KCNAB1: variants seen among roughly 807,000 people sequenced by gnomAD.
KCNAB1 encodes voltage-gated potassium channel subunit beta-1.
In KCNAB1, 35 loss-of-function variants were observed where a neutral mutation model predicts 64.6. That is an observed-to-expected ratio of 0.54 (90% CI 0.41 to 0.72). KCNAB1 has a LOEUF of 0.72. Ranked by LOEUF, KCNAB1 falls within the 30% of genes least tolerant of loss-of-function variation. The probability of loss-of-function intolerance (pLI) is 0.00; values close to 1 mark genes in which losing one functional copy is unlikely to be tolerated. For missense variants in KCNAB1, 401 were observed against 512.9 expected (o/e 0.78, Z 2.11); for synonymous variants, 177 against 183.8 (o/e 0.96, Z 0.30).
In KCNAB1 at chr3:156,302,474, A is replaced by G. The variant is rs923867828; in HGVS notation, c.276-119142A>G. Among the ~76,000 whole-genome samples the G allele has an allele frequency of 2.0e-5, 3 of 152,288 alleles. 1 individual carries two copies. The highest frequency in any genetic ancestry group is 3.9e-4 in the East Asian group (2 of 5,182). ...GCATCATATCCCCAACACTTTTTCT[A>G]GAATCCAAGACTTGTCCAGGTGAAG... On this transcript the variant is annotated intron_variant, in intron 1 of 13. Transcript: ENST00000490337.
chr3:156,423,217 G>A (rs146590706), intron 2 of KCNAB1, among the ~76,000 whole-genome samples: 22 of 152,324 alleles, frequency 1.4e-4, no homozygotes, highest in African/African-American at 5.1e-4. Context: ...GGTTGCTTTT[G>A]CACGTGGAAG....
chr3:156,333,319 A>AACAC (rs10641743), intron 1 of KCNAB1, among the ~76,000 whole-genome samples: 7,410 of 143,272 alleles, frequency 0.052, 534 homozygotes, highest in African/African-American at 0.16. Context: ...CGCACATAGA[A>AACAC]ACACACACAC....
At chr3:156,324,716 C>T (rs1352746353) in intron 1 of KCNAB1, among the ~76,000 whole-genome samples, 1 of 152,030 alleles carries the variant, frequency 6.6e-6, no homozygotes, top group African/African-American at 2.4e-5. Flanking sequence ...TTTTCAATGG[C>T]TCTTTATCAC....
chr3:156,295,927 C>T (rs1720744993), intron 1 of KCNAB1, among the ~76,000 whole-genome samples: 1 of 152,160 alleles, frequency 6.6e-6, no homozygotes. Flanking sequence ...TATAGTCAGT[C>T]TACTCTGCTA....
intron 1 of KCNAB1, among the ~76,000 whole-genome samples, chr3:156,139,584 G>GTTTTTTTTTTTTTTTTTTTTTTTTT: frequency 1.8e-5 from 1 of 55,256 alleles, no homozygotes; most frequent in South Asian, 8.3e-4. Context: ...ATTGTACTGT[G>GTTTTTTTTTTTTTTTTTTTTTTTTT]TTTTTTTTTT....
intron 1 of KCNAB1, among the ~76,000 whole-genome samples, chr3:156,153,598 A>G (rs1429760013): frequency 1.3e-5 from 2 of 152,186 alleles, no homozygotes; most frequent in Non-Finnish European, 2.9e-5. Flanking sequence ...TGCCCTCCCC[A>G]CTGTGGTTGG....
chr3:156,210,498 C>T (rs2108393409), intron 1 of KCNAB1, among the ~76,000 whole-genome samples: 1 of 152,306 alleles, frequency 6.6e-6, no homozygotes, highest in Admixed American at 6.5e-5. Context: ...TAGAGAGAGC[C>T]AGTCATCATG....
intron 13 of KCNAB1, among the ~76,000 whole-genome samples, chr3:156,531,776 G>A (rs552474197): frequency 9.2e-5 from 14 of 152,324 alleles, no homozygotes; most frequent in Non-Finnish European, 1.9e-4. Context: ...CGCCATAAAA[G>A]CCGGCCTGAT....
At position 156,120,849 on chromosome 3, in the gene KCNAB1, G is replaced by C. The variant is rs754281331; in HGVS notation, c.238G>C (p.Glu80Gln). ...CCTAAAGCTCTGCGACCTGTCCAGC[G>C]AGCACACCACCGTCTGCACCACAGG... ...WYLKLCDLSSEHTTVCTTGMP... is the reference protein window; with the variant it reads ...WYLKLCDLSSQHTTVCTTGMP... The change falls in exon 1 of 14, where the codon GAG (glutamate) becomes CAG (glutamine). Residue 80 changes from glutamate (E) to glutamine (Q), a missense_variant. Glu to Gln is a conservative substitution (Grantham distance 29, BLOSUM62 2). Coordinates refer to ENST00000490337, the MANE Select transcript of KCNAB1 (RefSeq NM_172160.3). The C allele has an allele frequency of 9.9e-6, 16 of 1,614,176 alleles. No homozygotes were observed. The South Asian group carries it at 1.4e-4, about 14-fold the overall frequency.
At chr3:156,131,887 G>A (rs998105255) in intron 1 of KCNAB1, among the ~76,000 whole-genome samples, 4 of 152,240 alleles carry the variant, frequency 2.6e-5, no homozygotes, top group African/African-American at 9.6e-5. Context: ...CATTGACATG[G>A]ATCAAGAGAG....
At chr3:156,145,302 C>T (rs1379056344) in intron 1 of KCNAB1, among the ~76,000 whole-genome samples, 1 of 152,214 alleles carries the variant, frequency 6.6e-6, no homozygotes, top group Non-Finnish European at 1.5e-5. Context: ...AGCTTGTGCT[C>T]TGACACATCT....
chr3:156,517,286 G>A (rs995189928), intron 11 of KCNAB1, among the ~76,000 whole-genome samples: 3 of 152,206 alleles, frequency 2.0e-5, no homozygotes, highest in African/African-American at 7.2e-5. Context: ...TCCCTAATCA[G>A]AACATTTTCA....
chr3:156,363,423 T>C (rs1725738117), intron 1 of KCNAB1, among the ~76,000 whole-genome samples: 1 of 152,208 alleles, frequency 6.6e-6, no homozygotes, highest in Non-Finnish European at 1.5e-5. Flanking sequence ...TGATCAAGCA[T>C]ATTGCTTAAT....
chr3:156,365,512 C>T (rs1725893458), intron 1 of KCNAB1, among the ~76,000 whole-genome samples: 2 of 152,090 alleles, frequency 1.3e-5, no homozygotes, highest in Admixed American at 6.6e-5. Flanking sequence ...TGTTGCACCC[C>T]CTTTCCAGTG....
chr3:156,432,624 T>C (rs959474390), intron 2 of KCNAB1, among the ~76,000 whole-genome samples: 3 of 152,232 alleles, frequency 2.0e-5, no homozygotes, highest in African/African-American at 7.2e-5. Context: ...TTTCTTTAGC[T>C]GAAAAGAAGG....
rs371617007 is a variant in KCNAB1, at chr3:156,255,679, T to C, written c.275+134793T>C. 2.0e-4 allele frequency among the ~76,000 whole-genome samples: 31 copies of C among 152,310 alleles called. 2 individuals carry two copies. Among genetic ancestry groups the C allele is most frequent in the Admixed American group, 1.8e-3 (27 of 15,294 alleles). ...TGTCCTTGTTTTATCTGTCTAACAA[T>C]GGGCTCATGTGTCCTCCGACAATAT... is the stretch of plus-strand genomic sequence containing the variant. On this transcript the variant is annotated intron_variant, in intron 1 of 13. Transcript: ENST00000490337.
At chr3:156,316,961 A>G (rs961128294) in intron 1 of KCNAB1, among the ~76,000 whole-genome samples, 3 of 152,200 alleles carry the variant, frequency 2.0e-5, no homozygotes, top group Non-Finnish European at 4.4e-5. Context: ...CTCAGGGTGG[A>G]GGCTGGGACG....
intron 8 of KCNAB1, among the ~76,000 whole-genome samples, chr3:156,477,877 T>C (rs970933034): frequency 2.0e-5 from 3 of 152,184 alleles, no homozygotes; most frequent in Admixed American, 1.3e-4. Context: ...GTGTTAGTTC[T>C]GGATTCCATG....
intron 8 of KCNAB1, among the ~76,000 whole-genome samples, chr3:156,475,238 C>T (rs1559904156): frequency 6.6e-6 from 1 of 152,136 alleles, no homozygotes; most frequent in Non-Finnish European, 1.5e-5. Flanking sequence ...TAGCAATGCT[C>T]AGTGGTGCCA....
Sources: gnomAD v4.1 joint callset for allele counts (sites outside exome capture counted in the v4.1 genomes callset) on GRCh38, gnomAD v4.1.1 for gene constraint, MANE v1.5 for transcripts, NCBI Gene and HGNC (gene_info 2026-07-23, HGNC 2026-07-21) for gene names.